Variants in TMEM178B observed in about 807,000 individuals in gnomAD.
TMEM178B encodes the protein transmembrane protein 178B.
TMEM178B carries 5 observed loss-of-function variants against 31.0 expected under a neutral mutation model. The observed-to-expected ratio is 0.16, with a 90% CI of 0.08 to 0.34. The LOEUF is 0.34. Ranked by LOEUF, TMEM178B falls within the 10% of genes least tolerant of loss-of-function variation. The probability of loss-of-function intolerance (pLI) is 1.00; values close to 1 mark genes in which losing one functional copy is unlikely to be tolerated. For synonymous variants in TMEM178B, 164 were observed against 164.0 expected (o/e 1.00, Z 0.00); for missense variants, 275 against 400.3 (o/e 0.69, Z 2.67).
chr7:141,109,497 C>A (rs1054560137), intron 1 of TMEM178B, among the ~76,000 whole-genome samples: 2 of 152,116 alleles, frequency 1.3e-5, no homozygotes, highest in African/African-American at 2.4e-5. Flanking sequence ...TCTCACTTTT[C>A]AAAGGCCTGG....
At chr7:141,205,606 A>G (rs1407620300) in intron 1 of TMEM178B, among the ~76,000 whole-genome samples, 2 of 152,212 alleles carry the variant, frequency 1.3e-5, no homozygotes, top group African/African-American at 4.8e-5. Flanking sequence ...AAGGAGAACA[A>G]TATTTGATCC....
chr7:141,343,345 A>AT (rs1382928458), intron 2 of TMEM178B, among the ~76,000 whole-genome samples: 2 of 152,102 alleles, frequency 1.3e-5, no homozygotes, highest in African/African-American at 4.8e-5. Flanking sequence ...TAGCCAGATT[A>AT]TGAGTTTCCA....
chr7:141,136,809 T>C (rs1366006614), intron 1 of TMEM178B, among the ~76,000 whole-genome samples: 1 of 152,284 alleles, frequency 6.6e-6, no homozygotes, highest in East Asian at 1.9e-4. Context: ...AAGGCTGCAA[T>C]GAGCTGTAAT....
At chr7:141,158,222 A>C (rs1046342729) in intron 1 of TMEM178B, among the ~76,000 whole-genome samples, 1 of 152,156 alleles carries the variant, frequency 6.6e-6, no homozygotes, top group East Asian at 1.9e-4. Context: ...CAGCCCCCCA[A>C]GTAGACAGGA....
intron 1 of TMEM178B, among the ~76,000 whole-genome samples, chr7:141,083,274 G>A (rs995646032): frequency 6.6e-6 from 1 of 152,128 alleles, no homozygotes; most frequent in Non-Finnish European, 1.5e-5. Context: ...TGCTGTTTTC[G>A]AGAGAATTCA....
chr7:141,508,484 C>G, the TMEM178B span, among the ~76,000 whole-genome samples: 2 of 152,190 alleles, frequency 1.3e-5, no homozygotes, highest in East Asian at 3.8e-4. Flanking sequence ...AAGTCACTTC[C>G]ACATTTTCGG....
intron 1 of TMEM178B, among the ~76,000 whole-genome samples, chr7:141,179,595 A>G (rs1209609528): frequency 3.9e-5 from 6 of 152,212 alleles, no homozygotes; most frequent in African/African-American, 1.4e-4. Flanking sequence ...TTCAAGTTCT[A>G]TTTGAAAATA....
In TMEM178B at chr7:141,192,887, C is replaced by A. The variant is rs151264757; in HGVS notation, c.383-19704C>A. ...ATCTCTGCGATGTGCGTTTTGAAGT[C>A]CTAATTCCCAGGGGGGAGGCATCTT... On this transcript the variant is annotated intron_variant, in intron 1 of 3. Transcript: ENST00000565468. Among the ~76,000 whole-genome samples the A allele has an allele frequency of 3.8e-3, 584 of 152,292 alleles. 6 individuals are homozygous for A. The highest frequency in any genetic ancestry group is 0.014 in the African/African-American group (562 of 41,560).
At chr7:141,286,322 A>G (rs1234391593) in intron 2 of TMEM178B, among the ~76,000 whole-genome samples, 1 of 152,232 alleles carries the variant, frequency 6.6e-6, no homozygotes, top group Non-Finnish European at 1.5e-5. Flanking sequence ...TTACCCAAAT[A>G]GGTGAAATGG....
At chr7:141,383,244 G>C (rs1365979369) in intron 2 of TMEM178B, among the ~76,000 whole-genome samples, 1 of 150,092 alleles carries the variant, frequency 6.7e-6, no homozygotes, top group Non-Finnish European at 1.5e-5. Context: ...TATACTTTAA[G>C]TTCTAGGGTA....
intron 1 of TMEM178B, among the ~76,000 whole-genome samples, chr7:141,127,337 C>T (rs1366143785): frequency 6.6e-6 from 1 of 152,182 alleles, no homozygotes; most frequent in Non-Finnish European, 1.5e-5. Context: ...CATGTCCTAA[C>T]CCCTAGAACC....
At chr7:141,446,293 T>G (rs562739248) in intron 3 of TMEM178B, among the ~76,000 whole-genome samples, 1 of 152,296 alleles carries the variant, frequency 6.6e-6, no homozygotes, top group African/African-American at 2.4e-5. Context: ...GGGAGCAGCC[T>G]TATCCAGATG....
At chr7:141,468,109 G>T (rs1802177457) in intron 3 of TMEM178B, among the ~76,000 whole-genome samples, 1 of 151,876 alleles carries the variant, frequency 6.6e-6, no homozygotes, top group Non-Finnish European at 1.5e-5. Context: ...CAATCCATTT[G>T]TATTTCTTCC....
At chr7:141,316,138 C>T (rs949367109) in intron 2 of TMEM178B, among the ~76,000 whole-genome samples, 4 of 152,118 alleles carry the variant, frequency 2.6e-5, no homozygotes, top group African/African-American at 9.7e-5. Context: ...ACAGCAGCTG[C>T]TAAACGGGAT....
At chr7:141,248,973 G>C (rs1481347845) in intron 2 of TMEM178B, among the ~76,000 whole-genome samples, 1 of 152,210 alleles carries the variant, frequency 6.6e-6, no homozygotes, top group South Asian at 2.1e-4. Flanking sequence ...GCTCAGAGCT[G>C]GGTCTCTCCT....
intron 2 of TMEM178B, among the ~76,000 whole-genome samples, chr7:141,354,834 TCTTTC>T (rs1283605820): frequency 6.6e-6 from 1 of 152,240 alleles, no homozygotes; most frequent in African/African-American, 2.4e-5. Flanking sequence ...TGAGTTTCTC[TCTTTC>T]CTTTCATCTC....
intron 2 of TMEM178B, among the ~76,000 whole-genome samples, chr7:141,411,297 G>A (rs748644393): frequency 2.0e-5 from 3 of 152,170 alleles, no homozygotes; most frequent in Non-Finnish European, 4.4e-5. Flanking sequence ...TGCCTAATGG[G>A]GACAGAATTT....
chr7:141,305,616 G>C (rs974564001), intron 2 of TMEM178B, among the ~76,000 whole-genome samples: 1 of 151,916 alleles, frequency 6.6e-6, no homozygotes, highest in Non-Finnish European at 1.5e-5. Context: ...TGTATTTTTA[G>C]TACAGATGGG....
At chr7:141,453,517 C>T (rs1416463182) in intron 3 of TMEM178B, among the ~76,000 whole-genome samples, 2 of 152,236 alleles carry the variant, frequency 1.3e-5, no homozygotes, top group East Asian at 3.9e-4. Flanking sequence ...CAAATAGTAA[C>T]TTGTATGGTC....
Sources: gnomAD v4.1 joint callset for allele counts (sites outside exome capture counted in the v4.1 genomes callset) on GRCh38, gnomAD v4.1.1 for gene constraint, MANE v1.5 for transcripts, NCBI Gene and HGNC (gene_info 2026-07-23, HGNC 2026-07-21) for gene names.